Variants in MTUS2 observed in about 807,000 individuals in gnomAD.
The protein encoded by MTUS2 is microtubule-associated tumor suppressor candidate 2.
In MTUS2, 40 loss-of-function variants were observed where a neutral mutation model predicts 114.1. The observed-to-expected ratio is 0.35, with a 90% CI of 0.27 to 0.46. The LOEUF (loss-of-function observed/expected upper bound fraction) is 0.46. Ranked by LOEUF, MTUS2 falls within the 20% of genes least tolerant of loss-of-function variation. MTUS2 has a pLI of 1.00. For missense variants in MTUS2, 1,679 were observed against 1,705.4 expected, an observed-to-expected ratio of 0.98 and a Z score of 0.27; for synonymous variants, 688 against 672.0, an observed-to-expected ratio of 1.02 and a Z score of -0.37.
At chr13:29,307,117 G>A in intron 6 of MTUS2, 2 of 476,918 alleles carry the variant, frequency 4.2e-6, no homozygotes, top group East Asian at 5.0e-5. Context: ...TCACTTGCAG[G>A]GAGGAGCCAA....
chr13:29,495,489 G>A (rs1029150050), intron 12 of MTUS2, among the ~76,000 whole-genome samples: 12 of 151,886 alleles, frequency 7.9e-5, no homozygotes, highest in South Asian at 4.2e-4. Context: ...CCAGCACTTC[G>A]CATGTTAGTG....
chr13:29,340,205 C>T (rs1901323511), intron 7 of MTUS2, among the ~76,000 whole-genome samples: 2 of 152,202 alleles, frequency 1.3e-5, no homozygotes, highest in Admixed American at 1.3e-4. Context: ...ACGAGGGAAG[C>T]TCAAGCCTCC....
intron 2 of MTUS2, among the ~76,000 whole-genome samples, chr13:28,887,900 A>G (rs3011021): frequency 0.24 from 37,097 of 152,106 alleles, 7,115 homozygotes; most frequent in African/African-American, 0.53. Context: ...TCCCAAAGGC[A>G]TGGTTAACTT....
At chr13:28,926,344 T>A (rs992828306) in intron 2 of MTUS2, among the ~76,000 whole-genome samples, 69 of 151,550 alleles carry the variant, frequency 4.6e-4, no homozygotes, top group African/African-American at 1.6e-3. Flanking sequence ...TAATAGCTTT[T>A]CTGGTTGTTA....
intron 2 of MTUS2, among the ~76,000 whole-genome samples, chr13:28,991,976 C>T (rs1884879966): frequency 6.6e-6 from 1 of 152,184 alleles, no homozygotes; most frequent in Non-Finnish European, 1.5e-5. Flanking sequence ...GCTGCTCCTC[C>T]CTTTCTAGGC....
At chr13:28,990,932 C>T (rs185734223) in intron 2 of MTUS2, among the ~76,000 whole-genome samples, 82 of 151,812 alleles carry the variant, frequency 5.4e-4, no homozygotes, top group Admixed American at 5.3e-3. Flanking sequence ...ACTCCGGATG[C>T]GCCACCTTTA....
chr13:29,252,674 A>G (rs1450747195), intron 5 of MTUS2, among the ~76,000 whole-genome samples: 1 of 152,148 alleles, frequency 6.6e-6, no homozygotes, highest in Non-Finnish European at 1.5e-5. Flanking sequence ...TAATTGAACC[A>G]TGGGGGCAGT....
chr13:29,497,617 G>A (rs1394444229), intron 13 of MTUS2: 3 of 466,484 alleles, frequency 6.4e-6, no homozygotes, highest in Non-Finnish European at 1.2e-5. Context: ...AGCATGGTCT[G>A]GAAACCCCCC....
At chr13:29,096,438 A>G (rs1176293443) in intron 4 of MTUS2, among the ~76,000 whole-genome samples, 1 of 152,160 alleles carries the variant, frequency 6.6e-6, no homozygotes, top group African/African-American at 2.4e-5. Context: ...TTTCAAGGGT[A>G]GTTTTTAAAG....
At chr13:29,051,705 A>G (rs1233512973) in intron 4 of MTUS2, among the ~76,000 whole-genome samples, 2 of 152,244 alleles carry the variant, frequency 1.3e-5, no homozygotes, top group African/African-American at 2.4e-5. Flanking sequence ...GCCACTGGGC[A>G]GTTGGAGGGA....
intron 5 of MTUS2, among the ~76,000 whole-genome samples, chr13:29,140,010 G>A (rs1892151586): frequency 6.6e-6 from 1 of 152,168 alleles, no homozygotes; most frequent in Admixed American, 6.5e-5. Context: ...GTCTTCAGTC[G>A]TGGTTGTCAG....
intron 2 of MTUS2, among the ~76,000 whole-genome samples, chr13:28,898,865 A>C (rs190083433): frequency 9.4e-4 from 143 of 152,268 alleles, no homozygotes; most frequent in African/African-American, 3.2e-3. Context: ...TCTTTAGTTA[A>C]ATGTGTGATT....
At chr13:28,822,547 T>C (rs144762495) in intron 1 of MTUS2, among the ~76,000 whole-genome samples, 1 of 152,300 alleles carries the variant, frequency 6.6e-6, no homozygotes, top group East Asian at 1.9e-4. Flanking sequence ...TAGTCCTTTC[T>C]ATCTCCAGCA....
rs530985328 is a variant in MTUS2 at position 29,334,560 on chromosome 13, A to G, written c.2905+9849A>G. 2.0e-5 allele frequency among the ~76,000 whole-genome samples: 3 copies of G among 152,320 alleles called. No individual in the cohort carries two copies. In the South Asian group the frequency reaches 6.2e-4, roughly 32 times the overall value. ...CTCTTCTGGCTGGTAGTGTTTCTGC[A>G]GAGAGATCTGCTGTTATTCTGATGG... is the stretch of plus-strand genomic sequence containing the variant. On this transcript the variant is annotated intron_variant, in intron 7 of 15. Transcript: ENST00000612955.
chr13:29,450,317 AC>A (rs1206378463), intron 9 of MTUS2, among the ~76,000 whole-genome samples: 1 of 152,058 alleles, frequency 6.6e-6, no homozygotes, highest in Non-Finnish European at 1.5e-5. Context: ...TGTGACTAGC[AC>A]CCTATGTCAT....
chr13:28,940,617 A>T (rs1454775587), intron 2 of MTUS2, among the ~76,000 whole-genome samples: 1 of 151,662 alleles, frequency 6.6e-6, no homozygotes, highest in Non-Finnish European at 1.5e-5. Flanking sequence ...GTAGAACTGG[A>T]AACTGTAAGA....
intron 8 of MTUS2, among the ~76,000 whole-genome samples, chr13:29,376,065 A>ATATT (rs1045153086): frequency 6.6e-6 from 1 of 151,816 alleles, no homozygotes; most frequent in African/African-American, 2.4e-5. Flanking sequence ...GTGTGTATAT[A>ATATT]TATTTATTTA....
chr13:29,064,045 G>A (rs1424507830), intron 4 of MTUS2, among the ~76,000 whole-genome samples: 2 of 152,180 alleles, frequency 1.3e-5, no homozygotes, highest in Non-Finnish European at 2.9e-5. Flanking sequence ...CTGTTAACCT[G>A]CTCCTAGCGC....
At chr13:29,372,741 G>A (rs544301364) in intron 8 of MTUS2, among the ~76,000 whole-genome samples, 11 of 152,138 alleles carry the variant, frequency 7.2e-5, no homozygotes, top group South Asian at 2.1e-4. Flanking sequence ...AGATCCATAT[G>A]TATGTTATCA....
Sources: gnomAD v4.1 joint callset for allele counts (sites outside exome capture counted in the v4.1 genomes callset) on GRCh38, gnomAD v4.1.1 for gene constraint, MANE v1.5 for transcripts, NCBI Gene and HGNC (gene_info 2026-07-23, HGNC 2026-07-21) for gene names.